Variants in VAV2 observed in about 807,000 individuals in gnomAD.
The protein encoded by VAV2 is guanine nucleotide exchange factor VAV2.
Under a neutral mutation model 132.5 loss-of-function variants are expected in VAV2, and 67 were observed. The observed-to-expected ratio is 0.51, with a 90% CI of 0.42 to 0.62. The LOEUF (loss-of-function observed/expected upper bound fraction) is 0.62. VAV2 is among the 20% of genes least tolerant of loss of function. The pLI, the probability that VAV2 is intolerant of heterozygous loss-of-function variation, is 0.00. For missense variants in VAV2, 938 were observed against 1,153.6 expected, an observed-to-expected ratio of 0.81 and a Z score of 2.71; for synonymous variants, 492 against 443.5, an observed-to-expected ratio of 1.11 and a Z score of -1.37.
intron 1 of VAV2, among the ~76,000 whole-genome samples, chr9:133,964,413 AAT>A (rs202169743): frequency 1.3e-5 from 2 of 152,070 alleles, no homozygotes; most frequent in Admixed American, 1.3e-4. Context: ...CATTTGCATA[AAT>A]ATATATAATA....
At chr9:133,895,815 T>C (rs1392239595) in intron 2 of VAV2, among the ~76,000 whole-genome samples, 1 of 152,204 alleles carries the variant, frequency 6.6e-6, no homozygotes, top group Non-Finnish European at 1.5e-5. Context: ...TCAACAATGC[T>C]GCTACTTTAA....
At position 133,824,389 on chromosome 9, in the gene VAV2, C is replaced by G. The variant is rs1409990041; in HGVS notation, c.449+9883G>C. On this transcript the variant is annotated intron_variant, in intron 4 of 29. Coordinates refer to ENST00000371850, the MANE Select transcript of VAV2 (RefSeq NM_001134398.2). The surrounding 1 kb of genome is among the most constrained non-coding windows in gnomAD (Gnocchi z 5.2). ...GCAGAGACCAGGACCCTCCTAAAACCCCAGCCCAAAACGGCCCTCAGTTCC... is the reference window on the plus strand; with the variant it reads ...GCAGAGACCAGGACCCTCCTAAAACGCCAGCCCAAAACGGCCCTCAGTTCC... Among the ~76,000 whole-genome samples the G allele has an allele frequency of 2.0e-5, 3 of 151,956 alleles. No homozygotes were observed. Among genetic ancestry groups the G allele is most frequent in the Non-Finnish European group, 4.4e-5 (3 of 67,990 alleles).
intron 2 of VAV2, among the ~76,000 whole-genome samples, chr9:133,867,308 T>C (rs1837845503): frequency 6.6e-6 from 1 of 152,170 alleles, no homozygotes; most frequent in South Asian, 2.1e-4. Context: ...TGCGCAACTC[T>C]AGCTTTCTCT....
intron 1 of VAV2, among the ~76,000 whole-genome samples, chr9:133,956,414 T>C (rs1438827069): frequency 6.6e-6 from 1 of 152,182 alleles, no homozygotes; most frequent in Non-Finnish European, 1.5e-5. Flanking sequence ...AAAGGGTGTC[T>C]AGGGTACTCT....
intron 21 of VAV2, 134 bp downstream of exon 21, chr9:133,779,784 G>T: frequency 8.1e-7 from 1 of 1,241,660 alleles, no homozygotes; most frequent in Non-Finnish European, 1.1e-6. Flanking sequence ...AGGGGGCCCA[G>T]ATGGCAGCAT....
chr9:133,964,461 T>C (rs899691626), intron 1 of VAV2, among the ~76,000 whole-genome samples: 20 of 152,180 alleles, frequency 1.3e-4, no homozygotes, highest in African/African-American at 4.8e-4. Context: ...TAATTTTGCA[T>C]GCGTATGCTT....
intron 2 of VAV2, among the ~76,000 whole-genome samples, chr9:133,904,371 A>G (rs1245224684): frequency 2.0e-5 from 3 of 152,254 alleles, no homozygotes; most frequent in African/African-American, 7.2e-5. Context: ...TAATATACCA[A>G]TAAAAGCGAC....
chr9:133,977,086 A>G (rs542762531), intron 1 of VAV2, among the ~76,000 whole-genome samples: 1 of 152,230 alleles, frequency 6.6e-6, no homozygotes, highest in Non-Finnish European at 1.5e-5. Flanking sequence ...GCCCAGCTCC[A>G]GGCCCAGGCC....
intron 1 of VAV2, among the ~76,000 whole-genome samples, chr9:133,980,888 C>T (rs758149881): frequency 6.6e-6 from 1 of 150,774 alleles, no homozygotes; most frequent in Non-Finnish European, 1.5e-5. Flanking sequence ...CTCTGTAGAA[C>T]AACCACCTGT....
At chr9:133,872,018 G>A (rs1391354998) in intron 2 of VAV2, among the ~76,000 whole-genome samples, 1 of 152,220 alleles carries the variant, frequency 6.6e-6, no homozygotes, top group Non-Finnish European at 1.5e-5. Context: ...AGTCTGGAAG[G>A]TTCTCCCAGC....
intron 2 of VAV2, among the ~76,000 whole-genome samples, chr9:133,925,113 A>G (rs937955027): frequency 7.9e-5 from 12 of 152,264 alleles, no homozygotes; most frequent in Admixed American, 4.6e-4. Context: ...AAAAAATTCC[A>G]GAACAAGACA....
In VAV2 at chr9:133,992,132, G is replaced by A. The variant is rs758231886; in HGVS notation, c.147C>T (p.Asn49=). The part of the protein sequence containing the change: ...DGVLLCQLLH[N]LSPGSIDLKD... ...TGAGGTCGATGGAGCCGGGGGAGAG[G>A]TTGTGCAGCAGCTGGCACAGAAGGA... The change falls in exon 1 of 30, where the codon AAC becomes AAT. Residue 49 remains asparagine, a synonymous_variant. Transcript: ENST00000371850. This position sits in a 1 kb window ranked among gnomAD's most constrained non-coding sequence, Gnocchi z 5.5. 4.4e-6 allele frequency: 7 copies of A among 1,594,992 alleles called. No individual in the cohort carries two copies. In the Admixed American group the frequency reaches 1.0e-4, roughly 23 times the overall value.
At chr9:133,844,894 T>A (rs929047610) in intron 3 of VAV2, among the ~76,000 whole-genome samples, 6 of 152,234 alleles carry the variant, frequency 3.9e-5, no homozygotes, top group African/African-American at 1.4e-4. Flanking sequence ...ACGGTGCCCA[T>A]GAGGGCCCCA....
chr9:133,789,163 G>A (rs569939306), intron 14 of VAV2, 95 bp downstream of exon 14: 11 of 1,327,228 alleles, frequency 8.3e-6, no homozygotes, highest in Non-Finnish European at 1.1e-5. Flanking sequence ...CCACAGGAAG[G>A]CCTGGCTTCC....
intron 2 of VAV2, among the ~76,000 whole-genome samples, chr9:133,910,612 C>T (rs552566624): frequency 6.7e-6 from 1 of 150,108 alleles, no homozygotes; most frequent in East Asian, 2.0e-4. Flanking sequence ...AGATCAAGAC[C>T]ATCCTGGCTA....
intron 2 of VAV2, among the ~76,000 whole-genome samples, chr9:133,933,644 A>AATGG: frequency 7.2e-6 from 1 of 139,692 alleles, no homozygotes; most frequent in South Asian, 2.4e-4. Flanking sequence ...TGGATGGATG[A>AATGG]ATGGACGGAT....
chr9:133,799,243 C>T lies in VAV2; in HGVS notation c.837-1434G>A, dbSNP rs185804616. On this transcript the variant is annotated intron_variant, in intron 9 of 29. Transcript: ENST00000371850. ...GAGCTGGCTCAGGCACAGGGACGGG[C>T]ATCTTGACACACTTCCTACTCCCAA... Among the ~76,000 whole-genome samples, 8 of 152,304 alleles carry T rather than the reference C, an allele frequency of 5.3e-5. No individual in the cohort carries two copies. The East Asian group carries it at 1.4e-3, about 26-fold the overall frequency.
rs529918327 is a variant in VAV2, at chr9:133,812,278, G to T, written c.450-62C>A. 1.9e-6 allele frequency: 3 copies of T among 1,539,192 alleles called. No individual in the cohort carries two copies. In the East Asian group the frequency reaches 6.8e-5, roughly 35 times the overall value. On this transcript the variant is annotated intron_variant, in intron 4 of 29. Coordinates refer to ENST00000371850, the MANE Select transcript of VAV2 (RefSeq NM_001134398.2). ...CTCCCGCCACCCTGACCGGGGAGCC[G>T]CAGAGCACGAGGGTCCACGAGGGAC...
chr9:133,844,229 T>C (rs1473087798), intron 3 of VAV2, among the ~76,000 whole-genome samples: 1 of 152,126 alleles, frequency 6.6e-6, no homozygotes, highest in Non-Finnish European at 1.5e-5. Flanking sequence ...ATAATATATA[T>C]TTTTATTTTC....
Sources: allele counts gnomAD v4.1 joint callset (sites outside exome capture counted in the v4.1 genomes callset), GRCh38; gene constraint gnomAD v4.1.1; non-coding constraint Gnocchi (gnomAD v3.1); transcripts MANE v1.5; gene names NCBI Gene and HGNC (gene_info 2026-07-23, HGNC 2026-07-21).